LUC7L2: variants seen among roughly 807,000 people sequenced by gnomAD.
LUC7L2 encodes LUC7 like 2, pre-mRNA splicing factor, also known as putative RNA-binding protein Luc7-like 2.
A neutral mutation model predicts 52.8 loss-of-function variants in LUC7L2; 25 were observed. That is an observed-to-expected ratio of 0.47 (90% CI 0.34 to 0.66). LUC7L2 has a LOEUF of 0.66. LUC7L2 is among the 30% of genes least tolerant of loss of function. The pLI, the probability that LUC7L2 is intolerant of heterozygous loss-of-function variation, is 0.01. For synonymous variants in LUC7L2, 144 were observed against 160.9 expected, an observed-to-expected ratio of 0.89 and a Z score of 0.80; for missense variants, 328 against 497.8, an observed-to-expected ratio of 0.66 and a Z score of 3.25.
chr7:139,360,402 C>T (rs1433396081), intron 1 of LUC7L2, 80 bp downstream of exon 1: 5 of 1,376,694 alleles, frequency 3.6e-6, no homozygotes, highest in South Asian at 1.3e-5. Context: ...CGCACCTGGG[C>T]GCGCGCGTGT....
intron 2 of LUC7L2, among the ~76,000 whole-genome samples, chr7:139,395,731 C>T (rs551873185): frequency 6.6e-6 from 1 of 152,212 alleles, no homozygotes; most frequent in Non-Finnish European, 1.5e-5. Flanking sequence ...GCTTTGACCT[C>T]CAGAGCTCAA....
At chr7:139,359,891 C>G (rs1334996209), upstream of LUC7L2, 1 of 417,712 alleles carries the variant, frequency 2.4e-6, no homozygotes, top group African/African-American at 2.1e-5. Flanking sequence ...GAGGAGCGTG[C>G]GCGCTCCCGT....
chr7:139,369,076 T>C (rs1035550831), intron 1 of LUC7L2, among the ~76,000 whole-genome samples: 1 of 152,184 alleles, frequency 6.6e-6, no homozygotes, highest in Non-Finnish European at 1.5e-5. Context: ...TGAGAACTTG[T>C]CTTTTTTAAT....
chr7:139,361,254 ACTTT>A, intron 1 of LUC7L2, among the ~76,000 whole-genome samples: 1 of 152,360 alleles, frequency 6.6e-6, no homozygotes, highest in East Asian at 1.9e-4. Flanking sequence ...CTAGTTCATT[ACTTT>A]CTTAACACAG....
At chr7:139,362,129 C>G (rs1262380898) in intron 1 of LUC7L2, among the ~76,000 whole-genome samples, 1 of 151,144 alleles carries the variant, frequency 6.6e-6, no homozygotes. Flanking sequence ...AACCTTCAGA[C>G]TTAGAGGATT....
intron 8 of LUC7L2, chr7:139,416,934 A>G (rs1341738906): frequency 3.9e-5 from 6 of 152,360 alleles, no homozygotes; most frequent in African/African-American, 1.4e-4. Context: ...AATCTAGATA[A>G]TATAGCCCCT....
intron 9 of LUC7L2, among the ~76,000 whole-genome samples, chr7:139,418,710 TTTC>T (rs1795739923): frequency 2.0e-5 from 3 of 152,318 alleles, no homozygotes; most frequent in South Asian, 4.1e-4. Flanking sequence ...GTTTTTAGTA[TTTC>T]TTAAGGTGAT....
intron 2 of LUC7L2, among the ~76,000 whole-genome samples, chr7:139,380,609 TAATAA>T (rs1379984911): frequency 6.6e-6 from 1 of 152,122 alleles, no homozygotes; most frequent in Non-Finnish European, 1.5e-5. Flanking sequence ...AAAAAAATAA[TAATAA>T]AATAAGAAGC....
chr7:139,409,556 T>TTTA lies in LUC7L2; in HGVS notation c.688-5_688-4insATT, dbSNP rs1191397274. 3.1e-6 allele frequency: 5 copies of TTTA among 1,603,324 alleles called. No homozygotes were observed. The highest frequency in any genetic ancestry group is 1.7e-5 in the Admixed American group (1 of 58,390). The stretch of plus-strand genomic sequence containing the variant: ...AAATATTCTCCTCATTTATTACTGT[T>TTTA]TTTAAGAGAGTCGTAGCTGAGAAGC... On this transcript the variant is annotated splice_region_variant and splice_polypyrimidine_tract_variant and intron_variant, in intron 6 of 9. Transcript: ENST00000354926.
Position 139,415,573 on chromosome 7 carries a change from CTTT to C in LUC7L2, c.810-1946_810-1944del, listed in dbSNP as rs376954972. On this transcript the variant is annotated intron_variant, in intron 8 of 9. Coordinates refer to ENST00000354926, the MANE Select transcript of LUC7L2 (RefSeq NM_016019.5). ...ACTCTTTTCAGCTGTGGAAATAACGCTTTTTTTTTTTTTTTTTTTTTGAGACAG... is the reference window on the plus strand; with the variant it reads ...ACTCTTTTCAGCTGTGGAAATAACGCTTTTTTTTTTTTTTTTTTGAGACAG... Among the ~76,000 whole-genome samples the C allele has an allele frequency of 7.8e-3, 911 of 116,100 alleles. 6 individuals carry two copies. Among genetic ancestry groups the C allele is most frequent in the African/African-American group, 0.026 (749 of 28,514 alleles). The allele number at this position is 116,100 out of a possible 152,430, so 76.2% of individuals were successfully genotyped here.
upstream of LUC7L2, among the ~76,000 whole-genome samples, chr7:139,356,314 CAAAAAAAAA>C (rs10524961): frequency 3.6e-5 from 3 of 82,898 alleles, no homozygotes; most frequent in Non-Finnish European, 9.9e-5. Flanking sequence ...GACCCTATCT[CAAAAAAAAA>C]AAAAAAAAAA....
At chr7:139,395,796 A>G (rs1438123170) in intron 2 of LUC7L2, among the ~76,000 whole-genome samples, 1 of 152,114 alleles carries the variant, frequency 6.6e-6, no homozygotes, top group Admixed American at 6.6e-5. Context: ...ATGGGCCACC[A>G]TGCCTGGATA....
intron 7 of LUC7L2, among the ~76,000 whole-genome samples, chr7:139,411,215 TCTTTTGA>T (rs1205944880): frequency 3.3e-5 from 5 of 152,218 alleles, no homozygotes; most frequent in Non-Finnish European, 5.9e-5. Flanking sequence ...ATGGCAAGTT[TCTTTTGA>T]CAGTGATTAT....
At chr7:139,378,185 CTGAAATCTA>C (rs1404862246) in intron 2 of LUC7L2, among the ~76,000 whole-genome samples, 1 of 152,062 alleles carries the variant, frequency 6.6e-6, no homozygotes, top group African/African-American at 2.4e-5. Context: ...TATGCTGCAT[CTGAAATCTA>C]TGAAATCTAT....
chr7:139,367,897 G>T (rs981206067), intron 1 of LUC7L2, among the ~76,000 whole-genome samples: 1 of 152,174 alleles, frequency 6.6e-6, no homozygotes, highest in South Asian at 2.1e-4. Flanking sequence ...GAGGTACCTG[G>T]CTGTGGGAAA....
chr7:139,348,016 TTC>T (rs1400515511), intron 1 of LUC7L2, among the ~76,000 whole-genome samples: 2 of 152,104 alleles, frequency 1.3e-5, no homozygotes, highest in African/African-American at 4.8e-5. Flanking sequence ...TGTTTATTTG[TTC>T]TCTGTTTTAT....
Position 139,379,729 on chromosome 7 carries a change from C to A in LUC7L2, c.156+3573C>A, listed in dbSNP as rs1203788201. Among the ~76,000 whole-genome samples the A allele has an allele frequency of 2.0e-5, 3 of 151,764 alleles. No individual in the cohort carries two copies. In the East Asian group the frequency reaches 5.9e-4, roughly 30 times the overall value. On this transcript the variant is annotated intron_variant, in intron 2 of 9. Transcript: ENST00000354926. ...TACAGGCATGCACCACTACACCCAG[C>A]TAATTTTTGCATTTTTAGTAGAGAC...
In LUC7L2 at chr7:139,383,165, G is replaced by C. The variant is rs559893454; in HGVS notation, c.156+7009G>C. On this transcript the variant is annotated intron_variant, in intron 2 of 9. Coordinates refer to ENST00000354926, the MANE Select transcript of LUC7L2 (RefSeq NM_016019.5). Reference sequence around the variant, plus strand: ...AGTTTTGCTCTTGTTGCCCAGGATGGAGTGCAGTGGCACGATCTTGGCTCA... The same window carrying C: ...AGTTTTGCTCTTGTTGCCCAGGATGCAGTGCAGTGGCACGATCTTGGCTCA... Among the ~76,000 whole-genome samples the C allele has an allele frequency of 8.4e-4, 127 of 151,882 alleles. 1 individual carries two copies. The highest frequency in any genetic ancestry group is 3.0e-3 in the African/African-American group (123 of 41,414).
At chr7:139,379,804 G>A (rs1179473442) in intron 2 of LUC7L2, among the ~76,000 whole-genome samples, 3 of 151,736 alleles carry the variant, frequency 2.0e-5, no homozygotes, top group Non-Finnish European at 2.9e-5. Flanking sequence ...GACCTCAGTT[G>A]ATCTGCCTGC....
Sources: allele counts gnomAD v4.1 joint callset (sites outside exome capture counted in the v4.1 genomes callset), GRCh38; gene constraint gnomAD v4.1.1; transcripts MANE v1.5; gene names NCBI Gene and HGNC (gene_info 2026-07-23, HGNC 2026-07-21).